Variants in PAX5 observed in about 807,000 individuals in gnomAD.
The protein encoded by PAX5 is paired box protein Pax-5.
In PAX5, 9 loss-of-function variants were observed where a neutral mutation model predicts 43.7. The observed-to-expected ratio is 0.21, with a 90% CI of 0.12 to 0.36. PAX5 has a LOEUF of 0.36. Among genes scored for constraint, PAX5 ranks in the 10% least tolerant of loss-of-function variants. The probability of loss-of-function intolerance (pLI) is 1.00; values close to 1 mark genes in which losing one functional copy is unlikely to be tolerated. For missense variants in PAX5, 383 were observed against 532.7 expected, an observed-to-expected ratio of 0.72 and a Z score of 2.77; for synonymous variants, 228 against 214.3, an observed-to-expected ratio of 1.06 and a Z score of -0.56.
At chr9:37,010,858 G>A (rs976570267) in intron 3 of PAX5, among the ~76,000 whole-genome samples, 3 of 152,128 alleles carry the variant, frequency 2.0e-5, no homozygotes, top group African/African-American at 7.2e-5. Flanking sequence ...TGACTGTTGT[G>A]GAGAAGAAAG....
At chr9:36,891,011 C>T (rs975551121) in intron 7 of PAX5, among the ~76,000 whole-genome samples, 4 of 151,990 alleles carry the variant, frequency 2.6e-5, no homozygotes, top group South Asian at 2.1e-4. Flanking sequence ...TGGTGGTGCA[C>T]GCCTGTAGTC....
intron 6 of PAX5, among the ~76,000 whole-genome samples, chr9:36,962,179 G>A (rs183892145): frequency 1.3e-5 from 2 of 151,746 alleles, no homozygotes; most frequent in East Asian, 1.9e-4. Flanking sequence ...GGGAGGATCC[G>A]GGAGGATGTG....
At chr9:37,024,343 G>A in intron 1 of PAX5, among the ~76,000 whole-genome samples, 1 of 152,080 alleles carries the variant, frequency 6.6e-6, no homozygotes, top group East Asian at 1.9e-4. Context: ...AAGCTATCCG[G>A]CTCTGAAGCA....
rs114025081 is a variant in PAX5 at position 36,938,890 on chromosome 9, A to G, written c.781-15406T>C. On this transcript the variant is annotated intron_variant, in intron 6 of 9. Transcript: ENST00000358127. ...GCTGTTCTCCCTTCAATTTTATGGG[A>G]AGAACATTTTCATTACAAAGCCTCC... Among the ~76,000 whole-genome samples, 423 of 152,306 alleles carry G rather than the reference A, an allele frequency of 2.8e-3. 2 individuals carry two copies. Among genetic ancestry groups the G allele is most frequent in the African/African-American group, 9.8e-3 (408 of 41,568 alleles).
intron 7 of PAX5, among the ~76,000 whole-genome samples, chr9:36,893,915 G>A (rs2131826844): frequency 6.6e-6 from 1 of 152,298 alleles, no homozygotes; most frequent in Middle Eastern, 3.4e-3. Context: ...AAACTGATAG[G>A]ACAAACCAGT....
chr9:36,872,359 G>A (rs528777071), intron 8 of PAX5, among the ~76,000 whole-genome samples: 12 of 152,304 alleles, frequency 7.9e-5, no homozygotes, highest in East Asian at 5.8e-4. Context: ...CCTCCAGTTC[G>A]GTCAGGAGCT....
At chr9:36,902,008 T>A (rs1296321466) in intron 7 of PAX5, among the ~76,000 whole-genome samples, 1 of 152,098 alleles carries the variant, frequency 6.6e-6, no homozygotes, top group African/African-American at 2.4e-5. Flanking sequence ...TCTTTTAGAG[T>A]AAGGGTGAGG....
rs1206348199 is a variant in PAX5, at chr9:36,860,841, C to T, written c.1013-13912G>A. 2.6e-5 allele frequency: 4 copies of T among 152,194 alleles called. 1 individual carries two copies. The highest frequency in any genetic ancestry group is 6.5e-5 in the Admixed American group (1 of 15,280). The allele number at this position is 152,194 out of a possible 1,614,324, so 9.4% of individuals were successfully genotyped here. On this transcript the variant is annotated intron_variant, in intron 8 of 9. Coordinates refer to ENST00000358127, the MANE Select transcript of PAX5 (RefSeq NM_016734.3). The stretch of plus-strand genomic sequence containing the variant: ...ACTCAGTGAGCTTGACAGGGCCATT[C>T]CATGGAGGGAGCTGAATTAGGATGA...
chr9:37,008,684 A>T (rs1423774663), intron 3 of PAX5, among the ~76,000 whole-genome samples: 2 of 152,150 alleles, frequency 1.3e-5, no homozygotes, highest in African/African-American at 4.8e-5. Context: ...ACTTGAGCTC[A>T]GCAAGGAGCC....
intron 6 of PAX5, among the ~76,000 whole-genome samples, chr9:36,951,411 A>G (rs1588063692): frequency 6.6e-6 from 1 of 152,216 alleles, no homozygotes. Context: ...CCAAGTGCGT[A>G]CAGGTTCAGG....
At chr9:37,003,171 A>C (rs928230159) in intron 4 of PAX5, among the ~76,000 whole-genome samples, 7 of 147,496 alleles carry the variant, frequency 4.7e-5, no homozygotes, top group East Asian at 2.1e-4. Context: ...AAAAAAAAAA[A>C]AAAAAAAAAA....
chr9:36,922,308 C>T (rs2131962837), intron 7 of PAX5, among the ~76,000 whole-genome samples: 1 of 152,308 alleles, frequency 6.6e-6, no homozygotes, highest in African/African-American at 2.4e-5. Context: ...ATTCACTGTG[C>T]CCTGCCTACC....
chr9:36,984,306 G>A (rs1029120461), intron 5 of PAX5, among the ~76,000 whole-genome samples: 2 of 152,078 alleles, frequency 1.3e-5, no homozygotes, highest in African/African-American at 4.8e-5. Context: ...GTGTTATGGG[G>A]GTTATATGCT....
chr9:36,906,370 G>T (rs1828823271), intron 7 of PAX5, among the ~76,000 whole-genome samples: 2 of 152,168 alleles, frequency 1.3e-5, no homozygotes, highest in South Asian at 4.1e-4. Context: ...AGCAGAAGCA[G>T]AGGCCAAGGA....
intron 5 of PAX5, among the ~76,000 whole-genome samples, chr9:36,995,072 G>A (rs1472542413): frequency 6.6e-6 from 1 of 152,204 alleles, no homozygotes; most frequent in Non-Finnish European, 1.5e-5. Context: ...GGGCCAGGGA[G>A]GGGACCTGCC....
At chr9:36,857,650 G>A (rs1823804143) in intron 8 of PAX5, among the ~76,000 whole-genome samples, 1 of 152,202 alleles carries the variant, frequency 6.6e-6, no homozygotes, top group South Asian at 2.1e-4. Context: ...ACCGAAATCT[G>A]TCCCATCACC....
intron 4 of PAX5, among the ~76,000 whole-genome samples, chr9:37,004,371 A>G (rs1023364650): frequency 1.3e-5 from 2 of 152,226 alleles, no homozygotes; most frequent in African/African-American, 4.8e-5. Context: ...ATTAAAACCT[A>G]CAGACCAATC....
chr9:36,930,015 C>G (rs1055218073), intron 6 of PAX5, among the ~76,000 whole-genome samples: 1 of 151,956 alleles, frequency 6.6e-6, no homozygotes, highest in Non-Finnish European at 1.5e-5. Flanking sequence ...GCATGAGACA[C>G]CACACCCAGC....
chr9:36,849,155 G>C (rs750945874), intron 8 of PAX5, among the ~76,000 whole-genome samples: 4 of 152,208 alleles, frequency 2.6e-5, no homozygotes, highest in African/African-American at 9.7e-5. Context: ...AGGTCCGTTG[G>C]ATTCCTCTCT....
Sources: gnomAD v4.1 joint callset for allele counts (sites outside exome capture counted in the v4.1 genomes callset) on GRCh38, gnomAD v4.1.1 for gene constraint, MANE v1.5 for transcripts, NCBI Gene and HGNC (gene_info 2026-07-23, HGNC 2026-07-21) for gene names.